The following DCDC2 variants were observed in gnomAD, a reference collection of about 807,000 sequenced individuals.
DCDC2 encodes the protein doublecortin domain-containing protein 2.
Under a neutral mutation model 50.2 loss-of-function variants are expected in DCDC2, and 40 were observed. The observed-to-expected ratio is 0.80, with a 90% confidence interval of 0.62 to 1.04. DCDC2 has a LOEUF of 1.04. DCDC2 is among the 50% of genes least tolerant of loss of function. The probability of loss-of-function intolerance (pLI) is 0.00; values close to 1 mark genes in which losing one functional copy is unlikely to be tolerated. For synonymous variants in DCDC2, 234 were observed against 210.6 expected (o/e 1.11, Z -0.96); for missense variants, 570 against 581.9 (o/e 0.98, Z 0.21).
intron 3 of DCDC2, 42 bp from the exon 4 acceptor site, chr6:24,301,888 G>C (rs1759383603): frequency 6.2e-7 from 1 of 1,613,508 alleles, no homozygotes. Flanking sequence ...GTTATGCCTT[G>C]AAAACTACAA....
At position 24,303,235 on chromosome 6, in the gene DCDC2, G is replaced by A. The variant is rs79862614; in HGVS notation, c.349-1191C>T. Among the ~76,000 whole-genome samples the A allele has an allele frequency of 3.8e-3, 574 of 151,860 alleles. 5 individuals are homozygous for A. Among genetic ancestry groups the A allele is most frequent in the Non-Finnish European group, 7.0e-3 (479 of 67,974 alleles). On this transcript the variant is annotated intron_variant, in intron 2 of 9. Transcript: ENST00000378454. The stretch of plus-strand genomic sequence containing the variant: ...CCTATCCTCTCTTCAGGCTTCTGCC[G>A]TCTGGTGTCCACCTTTAATACTGGA...
At chr6:24,210,022 GTGTGT>G (rs1561891543) in intron 7 of DCDC2, among the ~76,000 whole-genome samples, 8 of 22,144 alleles carry the variant, frequency 3.6e-4, no homozygotes, top group Admixed American at 9.3e-4. Flanking sequence ...GTATCAGGGT[GTGTGT>G]GTGTGTGTGT....
intron 8 of DCDC2, among the ~76,000 whole-genome samples, chr6:24,184,552 C>G (rs1761150491): frequency 6.7e-6 from 1 of 149,418 alleles, no homozygotes; most frequent in Non-Finnish European, 1.5e-5. Context: ...GCCTGGGCCA[C>G]AGAGAGAGAC....
chr6:24,226,111 G>C (rs1024703342), intron 7 of DCDC2, among the ~76,000 whole-genome samples: 1 of 152,028 alleles, frequency 6.6e-6, no homozygotes. Context: ...TGCCCACAGT[G>C]GATTTATATT....
At chr6:24,369,535 G>A in the DCDC2 span, among the ~76,000 whole-genome samples, 8 of 151,978 alleles carry the variant, frequency 5.3e-5, no homozygotes, top group South Asian at 1.7e-3. Flanking sequence ...GCTTGAACCT[G>A]GGAGGTGGAG....
chr6:24,282,251 T>C (rs543809930), intron 6 of DCDC2, among the ~76,000 whole-genome samples: 34 of 135,240 alleles, frequency 2.5e-4, no homozygotes, highest in Admixed American at 5.7e-4. Context: ...ATATTTTTTG[T>C]TTTGTTTTTT....
At chr6:24,272,310 T>C (rs1446620385) in intron 7 of DCDC2, among the ~76,000 whole-genome samples, 1 of 152,138 alleles carries the variant, frequency 6.6e-6, no homozygotes, top group African/African-American at 2.4e-5. Context: ...AATATATCAT[T>C]CCAATAAGTG....
At chr6:24,359,092 TTA>T (rs1173679728), upstream of DCDC2, among the ~76,000 whole-genome samples, 9 of 66,096 alleles carry the variant, frequency 1.4e-4, no homozygotes, top group African/African-American at 2.1e-4. Flanking sequence ...TTTTTATATA[TTA>T]TATATTTTAT....
At chr6:24,328,007 A>G (rs1301351215) in intron 2 of DCDC2, among the ~76,000 whole-genome samples, 3 of 152,214 alleles carry the variant, frequency 2.0e-5, no homozygotes, top group Non-Finnish European at 2.9e-5. Flanking sequence ...ACGCTATTCC[A>G]TTTGCATGGA....
intron 7 of DCDC2, among the ~76,000 whole-genome samples, chr6:24,265,784 G>A (rs1032786357): frequency 1.3e-5 from 2 of 151,474 alleles, no homozygotes; most frequent in African/African-American, 2.4e-5. Flanking sequence ...GTTGATAGAT[G>A]TAAGTGCCTA....
chr6:24,362,498 T>G (rs928990732), upstream of DCDC2, among the ~76,000 whole-genome samples: 2 of 111,942 alleles, frequency 1.8e-5, no homozygotes, highest in African/African-American at 7.3e-5. Flanking sequence ...AATTGTATAT[T>G]TATACAATTA....
intron 7 of DCDC2, among the ~76,000 whole-genome samples, chr6:24,248,221 T>C (rs763636719): frequency 3.4e-4 from 51 of 152,226 alleles, no homozygotes; most frequent in Non-Finnish European, 6.0e-4. Flanking sequence ...AAGTTCTTAG[T>C]AGACAGCCAC....
chr6:24,323,420 T>A (rs1431328300), intron 2 of DCDC2, among the ~76,000 whole-genome samples: 7 of 152,278 alleles, frequency 4.6e-5, no homozygotes, highest in Admixed American at 3.3e-4. Context: ...AAAATTCTAG[T>A]AAGATCTGTA....
At chr6:24,246,565 C>T (rs1762679090) in intron 7 of DCDC2, among the ~76,000 whole-genome samples, 1 of 128,408 alleles carries the variant, frequency 7.8e-6, no homozygotes, top group Non-Finnish European at 1.6e-5. Flanking sequence ...CAGCTCACTA[C>T]AACCACTGCC....
intron 2 of DCDC2, among the ~76,000 whole-genome samples, chr6:24,303,440 G>T (rs1218855993): frequency 6.6e-6 from 1 of 151,938 alleles, no homozygotes; most frequent in African/African-American, 2.4e-5. Context: ...CCTTGCCTTT[G>T]CCCCTCTGGC....
rs1162260681 is a variant in DCDC2 at position 24,301,696 on chromosome 6, C to A, written c.557+19G>T. 1.9e-6 allele frequency: 3 copies of A among 1,611,538 alleles called. No homozygotes were observed. The highest frequency in any genetic ancestry group is 2.5e-6 in the Non-Finnish European group (3 of 1,178,720). ...AACAATTCAAAAACTCCTCCACTTA[C>A]AAGATTGTTTTGACATACCTGTGAA... On this transcript the variant is annotated intron_variant, in intron 4 of 9. Transcript: ENST00000378454.
chr6:24,176,220 C>T (rs561479193), intron 9 of DCDC2, among the ~76,000 whole-genome samples: 1 of 151,922 alleles, frequency 6.6e-6, no homozygotes, highest in South Asian at 2.1e-4. Flanking sequence ...CACTTGAGCC[C>T]GGGAGGTCAA....
In DCDC2 at chr6:24,224,312, A is replaced by T. The variant is rs144700819; in HGVS notation, c.923-19210T>A. ...CCACTGCTTCTTAGACTCTAAAGATACAAAGAACCAGAGCCCTGCGCTTCA... is the reference window on the plus strand; with the variant it reads ...CCACTGCTTCTTAGACTCTAAAGATTCAAAGAACCAGAGCCCTGCGCTTCA... On this transcript the variant is annotated intron_variant, in intron 7 of 9. Coordinates refer to ENST00000378454, the MANE Select transcript of DCDC2 (RefSeq NM_016356.5). 2.6e-4 allele frequency among the ~76,000 whole-genome samples: 39 copies of T among 152,330 alleles called. No homozygotes were observed. In the East Asian group the frequency reaches 6.7e-3, roughly 26 times the overall value.
upstream of DCDC2, among the ~76,000 whole-genome samples, chr6:24,358,930 A>ATATATTATATATTT (rs1561788575): frequency 2.7e-4 from 8 of 29,494 alleles, no homozygotes; most frequent in African/African-American, 1.3e-3. Flanking sequence ...ATTATATATT[A>ATATATTATATATTT]TATATTTTAT....
Sources: allele counts gnomAD v4.1 joint callset (sites outside exome capture counted in the v4.1 genomes callset), GRCh38; gene constraint gnomAD v4.1.1; transcripts MANE v1.5; gene names NCBI Gene and HGNC (gene_info 2026-07-23, HGNC 2026-07-21).